The following AKNAD1 variants were observed in gnomAD, a reference collection of about 807,000 sequenced individuals.
AKNAD1 encodes the protein protein AKNAD1.
A neutral mutation model predicts 90.8 loss-of-function variants in AKNAD1; 67 were observed. The observed-to-expected ratio is 0.74, with a 90% CI of 0.61 to 0.90. The LOEUF is 0.90. Ranked by LOEUF, AKNAD1 falls within the 40% of genes least tolerant of loss-of-function variation. The pLI is 0.00. For missense variants in AKNAD1, 957 were observed against 975.4 expected (o/e 0.98, Z 0.25); for synonymous variants, 327 against 341.4 (o/e 0.96, Z 0.46).
chr1:108,840,406 A>C (rs953875149), intron 6 of AKNAD1, among the ~76,000 whole-genome samples: 1 of 152,238 alleles, frequency 6.6e-6, no homozygotes, highest in Non-Finnish European at 1.5e-5. Context: ...CTGCATGAAG[A>C]AAACGTGATG....
At chr1:108,823,265 G>A (rs188602539) in intron 13 of AKNAD1, 105 bp downstream of exon 13, 1 of 937,428 alleles carries the variant, frequency 1.1e-6, no homozygotes, top group African/African-American at 1.6e-5. Flanking sequence ...AAATGGAGAG[G>A]CCAGGGCTTC....
intron 1 of AKNAD1, among the ~76,000 whole-genome samples, chr1:108,855,486 A>G (rs1665003884): frequency 6.8e-6 from 1 of 147,506 alleles, no homozygotes; most frequent in Non-Finnish European, 1.5e-5. Flanking sequence ...AATATATTTG[A>G]AGGTAAAAAA....
In AKNAD1 at chr1:108,819,407, T is replaced by C. The variant is rs145485442; in HGVS notation, c.2249+1138A>G. Among the ~76,000 whole-genome samples, 39 of 149,910 alleles carry C rather than the reference T, an allele frequency of 2.6e-4. No homozygotes were observed. The East Asian group carries it at 7.5e-3, about 29-fold the overall frequency. On this transcript the variant is annotated intron_variant, in intron 14 of 15. Transcript: ENST00000370001. ...ACTGAGGTAGGAGGATTGCTGAGGCTAGGAGTTCAAGATCAGCCTGGGCAA... is the reference window on the plus strand; with the variant it reads ...ACTGAGGTAGGAGGATTGCTGAGGCCAGGAGTTCAAGATCAGCCTGGGCAA...
chr1:108,830,970 C>T (rs1664179471), intron 9 of AKNAD1, among the ~76,000 whole-genome samples: 1 of 152,208 alleles, frequency 6.6e-6, no homozygotes, highest in Non-Finnish European at 1.5e-5. Flanking sequence ...GTACAGATGA[C>T]AGAATACTCT....
chr1:108,856,109 T>C (rs1665030750), intron 1 of AKNAD1, among the ~76,000 whole-genome samples: 1 of 151,840 alleles, frequency 6.6e-6, no homozygotes, highest in Admixed American at 6.6e-5. Context: ...TGCCTCAGCC[T>C]CCCAAAGTGC....
chr1:108,850,465 G>A (rs191327817), intron 2 of AKNAD1, among the ~76,000 whole-genome samples: 166 of 152,212 alleles, frequency 1.1e-3, no homozygotes, highest in African/African-American at 3.5e-3. Context: ...AAGGAACCCC[G>A]ACACTTCCCA....
intron 5 of AKNAD1, among the ~76,000 whole-genome samples, chr1:108,846,627 C>T (rs1346038593): frequency 6.6e-6 from 1 of 152,144 alleles, no homozygotes; most frequent in East Asian, 1.9e-4. Flanking sequence ...TCCGCTCCTC[C>T]CCAGCTGCCA....
At chr1:108,834,671 T>A (rs1283237446) in intron 8 of AKNAD1, 143 bp from the exon 9 acceptor site, 2 of 913,372 alleles carry the variant, frequency 2.2e-6, no homozygotes, top group Non-Finnish European at 1.6e-6. Flanking sequence ...ATGGGCCTCA[T>A]GCGGCCACTT....
chr1:108,824,590 T>C (rs1038178829), intron 11 of AKNAD1, among the ~76,000 whole-genome samples: 2 of 151,658 alleles, frequency 1.3e-5, no homozygotes, highest in Non-Finnish European at 2.9e-5. Context: ...TGGTTGAAAA[T>C]ATGTTTACAA....
At chr1:108,840,401 T>G (rs1664516005) in intron 6 of AKNAD1, among the ~76,000 whole-genome samples, 1 of 152,216 alleles carries the variant, frequency 6.6e-6, no homozygotes, top group Admixed American at 6.5e-5. Context: ...AAAATCTGCA[T>G]GAAGAAAACG....
At chr1:108,857,678 T>G (rs540176255), upstream of AKNAD1, among the ~76,000 whole-genome samples, 1 of 152,326 alleles carries the variant, frequency 6.6e-6, no homozygotes, top group Admixed American at 6.5e-5. Flanking sequence ...CCAGGCAAAC[T>G]GGGGACTATG....
At position 108,846,449 on chromosome 1, in the gene AKNAD1, C is replaced by A. The variant is rs115332923; in HGVS notation, c.1245+2303G>T. ...CTAGCTTTCTGGAGATCTTGCTTAT[C>A]GTTGTTTCTTCCATAATCCCTGCAA... On this transcript the variant is annotated intron_variant, in intron 5 of 15. Transcript: ENST00000370001. Among the ~76,000 whole-genome samples, 17 of 152,258 alleles carry A rather than the reference C, an allele frequency of 1.1e-4. No homozygotes were observed. In the South Asian group the frequency reaches 3.3e-3, roughly 30 times the overall value.
chr1:108,848,543 A>G (rs1664766275), intron 5 of AKNAD1, among the ~76,000 whole-genome samples: 1 of 152,192 alleles, frequency 6.6e-6, no homozygotes, highest in African/African-American at 2.4e-5. Context: ...GCCATAAGTA[A>G]TAGATCCCCT....
At chr1:108,833,963 G>A (rs532388642) in intron 9 of AKNAD1, among the ~76,000 whole-genome samples, 101 of 152,010 alleles carry the variant, frequency 6.6e-4, no homozygotes, top group Admixed American at 4.0e-3. Flanking sequence ...TTATATCATT[G>A]TTTACTGCTT....
intron 10 of AKNAD1, 92 bp downstream of exon 10, chr1:108,830,467 G>T: frequency 8.3e-7 from 1 of 1,202,110 alleles, no homozygotes; most frequent in Non-Finnish European, 1.2e-6. Context: ...TCAGCCAGTG[G>T]CCTCAGTTAG....
chr1:108,823,534 C>T (rs767500612), intron 12 of AKNAD1, 32 bp downstream of exon 12: 1 of 1,610,658 alleles, frequency 6.2e-7, no homozygotes, highest in Non-Finnish European at 8.5e-7. Context: ...ACTGTCCCCA[C>T]TCGCCTTTCT....
intron 14 of AKNAD1, among the ~76,000 whole-genome samples, chr1:108,819,374 T>A (rs1426480355): frequency 1.3e-5 from 2 of 152,080 alleles, no homozygotes; most frequent in Non-Finnish European, 2.9e-5. Flanking sequence ...ATCCCAGTGC[T>A]TTGGGTGACT....
chr1:108,838,447 G>C (rs757503229), intron 6 of AKNAD1, among the ~76,000 whole-genome samples: 9 of 151,820 alleles, frequency 5.9e-5, no homozygotes, highest in Non-Finnish European at 1.3e-4. Flanking sequence ...GAATAACATA[G>C]GAAAACCAAT....
chr1:108,830,732 G>C (rs1664171369), intron 9 of AKNAD1, 82 bp from the exon 10 acceptor site: 1 of 1,396,688 alleles, frequency 7.2e-7, no homozygotes, highest in Non-Finnish European at 1.0e-6. Flanking sequence ...CCAGCAAGCA[G>C]CTGAGGTCCG....
Sources: allele counts gnomAD v4.1 joint callset (sites outside exome capture counted in the v4.1 genomes callset), GRCh38; gene constraint gnomAD v4.1.1; transcripts MANE v1.5; gene names NCBI Gene and HGNC (gene_info 2026-07-23, HGNC 2026-07-21).